The following PKHD1 variants were observed in gnomAD, a reference collection of about 807,000 sequenced individuals.
PKHD1 encodes the protein fibrocystin.
A neutral mutation model predicts 412.0 loss-of-function variants in PKHD1; 291 were observed. That is an observed-to-expected ratio of 0.71 (90% CI 0.64 to 0.78). PKHD1 has a LOEUF of 0.78. PKHD1 is among the 30% of genes least tolerant of loss of function. The pLI is 0.00. For synonymous variants in PKHD1, 1,777 were observed against 1,821.5 expected, an observed-to-expected ratio of 0.98 and a Z score of 0.62; for missense variants, 4,825 against 4,950.7, an observed-to-expected ratio of 0.97 and a Z score of 0.76.
intron 60 of PKHD1, among the ~76,000 whole-genome samples, chr6:51,681,959 G>C (rs934788948): frequency 6.6e-6 from 1 of 152,070 alleles, no homozygotes; most frequent in East Asian, 1.9e-4. Context: ...TTTGTCTCTT[G>C]AGACAGTGAC....
chr6:51,666,962 G>C (rs1274204465), intron 60 of PKHD1, among the ~76,000 whole-genome samples: 3 of 150,658 alleles, frequency 2.0e-5, no homozygotes, highest in Non-Finnish European at 4.4e-5. Context: ...CATTTGGGTT[G>C]GTTCCAAGTC....
chr6:51,749,927 G>A (rs1457468764), intron 57 of PKHD1, among the ~76,000 whole-genome samples: 1 of 152,118 alleles, frequency 6.6e-6, no homozygotes, highest in Non-Finnish European at 1.5e-5. Context: ...ACTGACTAAA[G>A]TAAACTATAA....
intron 24 of PKHD1, among the ~76,000 whole-genome samples, 178 bp downstream of exon 24, chr6:52,045,826 A>G (rs1203569146): frequency 6.6e-6 from 1 of 152,192 alleles, no homozygotes; most frequent in African/African-American, 2.4e-5. Context: ...CAGGGATATG[A>G]TATACAAAAT....
intron 63 of PKHD1, among the ~76,000 whole-genome samples, chr6:51,643,788 C>A: frequency 6.6e-6 from 1 of 152,088 alleles, no homozygotes; most frequent in East Asian, 1.9e-4. Context: ...ATCAACTCAT[C>A]ACCTAGGTAT....
intron 65 of PKHD1, 64 bp from the exon 66 acceptor site, chr6:51,627,180 G>GGTGTTTCCCTTGT: frequency 6.7e-7 from 1 of 1,502,276 alleles, no homozygotes; most frequent in African/African-American, 1.4e-5. Flanking sequence ...TCAGCATTTA[G>GGTGTTTCCCTTGT]GTGTTTCCCT....
intron 37 of PKHD1, among the ~76,000 whole-genome samples, chr6:51,916,224 CCTTCTGGGCAATCA>C (rs1340551184): frequency 1.3e-5 from 2 of 152,088 alleles, no homozygotes; most frequent in Non-Finnish European, 2.9e-5. Context: ...TTAAGTATTG[CCTTCTGGGCAATCA>C]CTTGTAAACT....
At chr6:52,028,424 C>T in intron 29 of PKHD1, 73 bp from the exon 30 acceptor site, 1 of 1,418,588 alleles carries the variant, frequency 7.0e-7, no homozygotes, top group Non-Finnish European at 9.9e-7. Context: ...AATTCTAAAA[C>T]TGTCTTTTTG....
intron 24 of PKHD1, 69 bp downstream of exon 24, chr6:52,045,935 T>C (rs1805728888): frequency 4.9e-6 from 5 of 1,023,280 alleles, no homozygotes; most frequent in South Asian, 3.9e-5. Context: ...TGTATAATTC[T>C]GATTTTTTTT....
chr6:51,787,035 T>C (rs1307477488), intron 53 of PKHD1, among the ~76,000 whole-genome samples: 3 of 152,196 alleles, frequency 2.0e-5, no homozygotes, highest in East Asian at 3.9e-4. Context: ...TAAAAGTCCA[T>C]TGATACCCTT....
intron 28 of PKHD1, among the ~76,000 whole-genome samples, chr6:52,035,154 C>T (rs527373385): frequency 3.7e-4 from 56 of 152,266 alleles, no homozygotes; most frequent in African/African-American, 1.3e-3. Context: ...TCTTAGAAAT[C>T]ACACACTCTA....
intron 49 of PKHD1, among the ~76,000 whole-genome samples, chr6:51,850,937 A>G (rs79699861): frequency 6.6e-6 from 1 of 152,186 alleles, no homozygotes; most frequent in South Asian, 2.1e-4. Flanking sequence ...ACTATGTTGA[A>G]TAAGACTGGT....
chr6:51,626,981 C>T lies in PKHD1; in HGVS notation c.11785+16G>A. On this transcript the variant is annotated intron_variant, in intron 66 of 66. Coordinates refer to ENST00000371117, the MANE Select transcript of PKHD1 (RefSeq NM_138694.4). ...GGGTCTCTCCTGTGGGGATCATCTC[C>T]ACCCTCCAAGCTTACCTTCTCCCAC... 6.2e-7 allele frequency: 1 copy of T among 1,613,030 alleles called. No individual in the cohort carries two copies. The highest frequency in any genetic ancestry group is 8.5e-7 in the Non-Finnish European group (1 of 1,179,174).
chr6:51,746,599 C>T, intron 59 of PKHD1, 122 bp downstream of exon 59: 2 of 705,982 alleles, frequency 2.8e-6, no homozygotes, highest in Non-Finnish European at 5.0e-6. Flanking sequence ...ATGTACCTTA[C>T]CATTCTAAGA....
rs80095647 is a variant in PKHD1, at chr6:51,992,654, G to A, written c.5751+17655C>T. Among the ~76,000 whole-genome samples, 705 of 152,340 alleles carry A rather than the reference G, an allele frequency of 4.6e-3. 19 individuals are homozygous for A. In the East Asian group the frequency reaches 0.065, roughly 14 times the overall value. ...CTGCTTTCTTAGTCTCCCCTCAGGC[G>A]TGGGCACTGAAGGCTTCAATGAGAG... is the stretch of plus-strand genomic sequence containing the variant. On this transcript the variant is annotated intron_variant, in intron 35 of 66. Coordinates refer to ENST00000371117, the MANE Select transcript of PKHD1 (RefSeq NM_138694.4).
intron 60 of PKHD1, chr6:51,682,129 T>C (rs9474051): frequency 0.013 from 5,599 of 437,784 alleles, 272 homozygotes; most frequent in African/African-American, 0.1. Flanking sequence ...CTCTGATGGA[T>C]GCAGCATCTA....
intron 53 of PKHD1, among the ~76,000 whole-genome samples, chr6:51,781,375 C>T (rs1009126349): frequency 6.6e-6 from 1 of 152,120 alleles, no homozygotes; most frequent in African/African-American, 2.4e-5. Flanking sequence ...TAATGTCCAA[C>T]CCCTCATAAA....
chr6:51,658,812 G>A, intron 61 of PKHD1, 140 bp downstream of exon 61: 1 of 654,400 alleles, frequency 1.5e-6, no homozygotes, highest in South Asian at 1.8e-5. Context: ...GTCTTTAAAT[G>A]ACTCTTTGAA....
intron 60 of PKHD1, among the ~76,000 whole-genome samples, chr6:51,722,224 C>T (rs1782013990): frequency 6.6e-6 from 1 of 152,176 alleles, no homozygotes; most frequent in South Asian, 2.1e-4. Flanking sequence ...TAACTTGGAG[C>T]TCTCAGAGTA....
At chr6:51,753,510 G>A (rs1184001042) in intron 56 of PKHD1, among the ~76,000 whole-genome samples, 157 bp from the exon 57 acceptor site, 3 of 152,170 alleles carry the variant, frequency 2.0e-5, no homozygotes, top group Non-Finnish European at 4.4e-5. Context: ...TCTCCACAAA[G>A]GTCAGCTGAG....
Sources: gnomAD v4.1 joint callset for allele counts (sites outside exome capture counted in the v4.1 genomes callset) on GRCh38, gnomAD v4.1.1 for gene constraint, MANE v1.5 for transcripts, NCBI Gene and HGNC (gene_info 2026-07-23, HGNC 2026-07-21) for gene names.